Variants in MAP7D3 observed in about 807,000 individuals in gnomAD.
MAP7D3 encodes MAP7 domain-containing protein 3.
Under a neutral mutation model 62.2 loss-of-function variants are expected in MAP7D3, and 45 were observed. That is an observed-to-expected ratio of 0.72 (90% CI 0.57 to 0.93). The LOEUF (loss-of-function observed/expected upper bound fraction) is 0.93, where lower values mean the gene tolerates loss of function less well. Ranked by LOEUF, MAP7D3 falls within the 40% of genes least tolerant of loss-of-function variation. The pLI, the probability that MAP7D3 is intolerant of heterozygous loss-of-function variation, is 0.00. For missense variants in MAP7D3, 711 were observed against 683.1 expected (o/e 1.04, Z -0.45); for synonymous variants, 288 against 248.8 (o/e 1.16, Z -1.48).
In MAP7D3 at chrX:136,243,627, G is replaced by A. The variant is rs2074413936; in HGVS notation, c.417+1005C>T. Among the ~76,000 whole-genome samples the A allele has an allele frequency of 2.7e-5, 3 of 109,704 alleles. No homozygotes were observed. The Admixed American group carries it at 2.9e-4, about 11-fold the overall frequency. On this transcript the variant is annotated intron_variant, in intron 4 of 18. Coordinates refer to ENST00000316077, the MANE Select transcript of MAP7D3 (RefSeq NM_024597.4). ...CTGAGGTAGGAGAATTGCTTGAACCGGGGGGGCAGAAGTTGCAGTGAGCCA... is the reference window on the plus strand; with the variant it reads ...CTGAGGTAGGAGAATTGCTTGAACCAGGGGGGCAGAAGTTGCAGTGAGCCA...
chrX:136,226,057 G>T, intron 12 of MAP7D3, 44 bp from the exon 13 acceptor site: 1 of 907,376 alleles, frequency 1.1e-6, no homozygotes, highest in Non-Finnish European at 1.6e-6. Context: ...CAAGATACCT[G>T]AGTGACATCA....
At chrX:136,256,061 GC>G (rs748083817), upstream of MAP7D3, 175 of 750,598 alleles carry the variant, frequency 2.3e-4, no homozygotes, top group Middle Eastern at 4.5e-3. Context: ...CCATGCGATG[GC>G]TTTTTCTCTC....
intron 5 of MAP7D3, among the ~76,000 whole-genome samples, 167 bp from the exon 6 acceptor site, chrX:136,240,653 C>A (rs190435251): frequency 3.8e-4 from 42 of 111,231 alleles, no homozygotes; most frequent in African/African-American, 1.3e-3. Context: ...AGAGACGGGG[C>A]TTCACCATGT....
intron 16 of MAP7D3, among the ~76,000 whole-genome samples, chrX:136,220,083 T>C (rs187005983): frequency 3.0e-3 from 335 of 112,340 alleles, no homozygotes; most frequent in Non-Finnish European, 4.8e-3. Flanking sequence ...TCTCAGGCAA[T>C]TGCCCATGTA....
downstream of MAP7D3, among the ~76,000 whole-genome samples, chrX:136,215,664 C>T (rs1032116627): frequency 3.1e-4 from 35 of 112,416 alleles, no homozygotes; most frequent in African/African-American, 1.1e-3. Context: ...GAAAATTTGT[C>T]TTCCACAAAA....
Position 136,231,741 on chromosome X carries a change from C to A in MAP7D3, c.1216G>T (p.Val406Leu), listed in dbSNP as rs779911007. 1.7e-6 allele frequency: 2 copies of A among 1,209,082 alleles called. No homozygotes were observed. The highest frequency in any genetic ancestry group is 2.2e-6 in the Non-Finnish European group (2 of 894,814). ...AGGCTCCCCTCTGGGGCTGCTTCCA[C>A]GCTCACCTCTGGCAGTGCTTCCAGA... The part of the protein sequence containing the change: ...VSLEALPEVS[V>L]EAAPEGSLEA... The change falls in exon 8 of 19, where the codon GTG (valine) becomes TTG (leucine). Residue 406 changes from valine to leucine, a missense_variant. Transcript: ENST00000316077.
upstream of MAP7D3, among the ~76,000 whole-genome samples, chrX:136,254,881 T>G (rs1445731199): frequency 1.9e-5 from 2 of 104,553 alleles, no homozygotes; most frequent in East Asian, 6.4e-4. Flanking sequence ...ACATTAAAAG[T>G]AAAAACAAAA....
chrX:136,238,550 C>A (rs1013752937), intron 6 of MAP7D3, among the ~76,000 whole-genome samples: 1 of 111,354 alleles, frequency 9.0e-6, no homozygotes, highest in African/African-American at 3.3e-5. Flanking sequence ...AAGCAAGGTG[C>A]CAGAGAAAAT....
chrX:136,219,308 G>A (rs951989309), intron 18 of MAP7D3, 90 bp downstream of exon 18: 2 of 509,337 alleles, frequency 3.9e-6, no homozygotes, highest in South Asian at 3.2e-5. Flanking sequence ...GCTATATGGT[G>A]CAAAGACTGC....
At position 136,232,113 on chromosome X, in the gene MAP7D3, G is replaced by T; in HGVS notation, c.844C>A (p.Pro282Thr). ...VMFPMSTMKI[P>T]PQTKVEESPL... is the part of the protein sequence containing the mutation. ...GACTCTTCTACTTTTGTTTGAGGAG[G>T]TATTTTCATTGTCGACATGGGAAAC... Residue 282 changes from proline (P) to threonine (T), a missense_variant, in exon 8 of 19, where the codon CCT becomes ACT. Coordinates refer to ENST00000316077, the MANE Select transcript of MAP7D3 (RefSeq NM_024597.4). 2 of 1,207,668 alleles carry T rather than the reference G, an allele frequency of 1.7e-6. No individual in the cohort carries two copies. Among genetic ancestry groups the T allele is most frequent in the Non-Finnish European group, 1.1e-6 (1 of 891,690 alleles).
downstream of MAP7D3, chrX:136,213,914 G>T (rs1461689450): frequency 8.9e-6 from 1 of 112,255 alleles, no homozygotes; most frequent in East Asian, 2.8e-4. Context: ...GAGGCAGGCA[G>T]ATCACCTGAG....
At chrX:136,232,679 A>G (rs1294276089) in intron 7 of MAP7D3, among the ~76,000 whole-genome samples, 1 of 112,511 alleles carries the variant, frequency 8.9e-6, no homozygotes, top group Non-Finnish European at 1.9e-5. Context: ...AGAATGTAAG[A>G]AAGAGCATTT....
At position 136,219,478 on chromosome X, in the gene MAP7D3, T is replaced by C; in HGVS notation, c.2583A>G (p.Glu861=). The C allele has an allele frequency of 8.3e-7, 1 of 1,207,232 alleles. No homozygotes were observed. The highest frequency in any genetic ancestry group is 1.1e-6 in the Non-Finnish European group (1 of 891,219). ...TSRSSAQTKS[E]GFHDILPKSS... ...ACTTTGGCAAGATGTCATGGAATCC[T>C]TCAGATTTTGTTTGTGCCTGTCAGG... Residue 861 remains glutamate, a synonymous_variant, in exon 18 of 19, where the codon GAA becomes GAG. Coordinates refer to ENST00000316077, the MANE Select transcript of MAP7D3 (RefSeq NM_024597.4).
At chrX:136,251,540 G>T, upstream of MAP7D3, 2 of 837,755 alleles carry the variant, frequency 2.4e-6, no homozygotes, top group Non-Finnish European at 2.9e-6. Context: ...TGCCCCTTGC[G>T]TCCCACGTCC....
chrX:136,241,224 A>G lies in MAP7D3; in HGVS notation c.471T>C (p.Asp157=). 1 of 1,192,661 alleles carries G rather than the reference A, an allele frequency of 8.4e-7. No individual in the cohort carries two copies. The highest frequency in any genetic ancestry group is 1.1e-6 in the Non-Finnish European group (1 of 884,522). ...ATGACCATCTTTTTTGCTGATAATC[A>G]TCAGCAAGTCTCCTCCGTTCCAAAG... ...YRTLERRRLA[D]DYQQKRWSWG... Residue 157 remains aspartate (D), a synonymous_variant, in exon 5 of 19, where the codon GAT becomes GAC. Transcript: ENST00000316077.
upstream of MAP7D3, chrX:136,251,496 C>T: frequency 1.2e-6 from 1 of 836,199 alleles, no homozygotes; most frequent in Non-Finnish European, 1.5e-6. Context: ...GAAGGGCCAC[C>T]GCGCCCGCCT....
chrX:136,253,358 C>G (rs2074533555), upstream of MAP7D3, among the ~76,000 whole-genome samples: 1 of 111,772 alleles, frequency 8.9e-6, no homozygotes, highest in Non-Finnish European at 1.9e-5. Flanking sequence ...TAGTTTCTTG[C>G]AAAAATGTTG....
At chrX:136,224,052 C>CA (rs59789059) in intron 14 of MAP7D3, among the ~76,000 whole-genome samples, 2,591 of 10,608 alleles carry the variant, frequency 0.24, 572 homozygotes, top group Non-Finnish European at 0.34. Flanking sequence ...ACTCTTATCT[C>CA]AAAAAAAAAA....
chrX:136,237,713 A>C (rs1287800500), intron 6 of MAP7D3, among the ~76,000 whole-genome samples: 2 of 111,942 alleles, frequency 1.8e-5, no homozygotes, highest in African/African-American at 6.5e-5. Flanking sequence ...TCTTGAAGTC[A>C]TAATCTGTCC....
Sources: gnomAD v4.1 joint callset for allele counts (sites outside exome capture counted in the v4.1 genomes callset) on GRCh38, gnomAD v4.1.1 for gene constraint, MANE v1.5 for transcripts, NCBI Gene and HGNC (gene_info 2026-07-23, HGNC 2026-07-21) for gene names.